The following CES5A variants were observed in gnomAD, a reference collection of about 807,000 sequenced individuals.
CES5A encodes the protein carboxylesterase 5.
CES5A carries 67 observed loss-of-function variants against 62.9 expected under a neutral mutation model. The ratio of observed to expected loss-of-function variants is 1.07; its 90% CI spans 0.88 to 1.31. The LOEUF is 1.31. Ranked by LOEUF, CES5A falls within the 50% of genes most tolerant of loss-of-function variation. The pLI is 0.00. For missense variants in CES5A, 748 were observed against 708.5 expected (o/e 1.06, Z -0.63); for synonymous variants, 296 against 280.8 (o/e 1.05, Z -0.54).
chr16:55,898,372 A>G (rs1452562243), intron 1 of CES5A, among the ~76,000 whole-genome samples: 1 of 152,156 alleles, frequency 6.6e-6, no homozygotes, highest in Admixed American at 6.5e-5. Context: ...AATTTTCTGC[A>G]TTGTTTGAAA....
At chr16:55,858,373 C>A (rs1476191637) in intron 8 of CES5A, among the ~76,000 whole-genome samples, 1 of 152,156 alleles carries the variant, frequency 6.6e-6, no homozygotes, top group Non-Finnish European at 1.5e-5. Context: ...GCTTGGACAG[C>A]CTGTGCTTGG....
intron 2 of CES5A, 39 bp downstream of exon 2, chr16:55,873,794 A>T (rs1472455767): frequency 6.4e-7 from 1 of 1,567,262 alleles, no homozygotes; most frequent in Non-Finnish European, 8.7e-7. Context: ...TGCCACTCCC[A>T]GAGTCACAAA....
At chr16:55,943,962 A>C (rs1370691137) in intron 2 of CES5A, 2 of 697,268 alleles carry the variant, frequency 2.9e-6, no homozygotes, top group Non-Finnish European at 5.2e-6. Context: ...GAAACCTCCC[A>C]TATGAGCATT....
rs1159300804 is a variant in CES5A at position 55,864,026 on chromosome 16, G to A, written c.706-574C>T. ...CTCCCAAAGTGCTGGGATGACAGGCGTGAGCCACCGCACCCAGCCAAGTTG... is the reference window on the plus strand; with the variant it reads ...CTCCCAAAGTGCTGGGATGACAGGCATGAGCCACCGCACCCAGCCAAGTTG... On this transcript the variant is annotated intron_variant, in intron 5 of 12. Transcript: ENST00000290567. Among the ~76,000 whole-genome samples, 63 of 152,074 alleles carry A rather than the reference G, an allele frequency of 4.1e-4. 1 individual carries two copies. The highest frequency in any genetic ancestry group is 1.9e-4 in the East Asian group (1 of 5,174).
chr16:55,861,480 A>C lies in CES5A; in HGVS notation c.847T>G (p.Ser283Ala). 6 of 1,613,860 alleles carry C rather than the reference A, an allele frequency of 3.7e-6. No individual in the cohort carries two copies. Among genetic ancestry groups the C allele is most frequent in the Non-Finnish European group, 3.4e-6 (4 of 1,179,772 alleles). The change falls in exon 7 of 13, where the codon TCA becomes GCA. Residue 283 changes from serine (S) to alanine (A), a missense_variant. Physicochemically the swap from Ser to Ala is moderately conservative, Grantham distance 99. Coordinates refer to ENST00000290567, the MANE Select transcript of CES5A (RefSeq NM_001143685.2). ...CACCTCAGCAGGGCCTCAGAGTCTG[A>C]CGCATTGTTACCACAGAAATGTGCA... ...VVAHFCGNNA[S>A]DSEALLRCLR...
At chr16:55,955,615 G>C (rs1454952656) in intron 1 of CES5A, among the ~76,000 whole-genome samples, 1 of 152,184 alleles carries the variant, frequency 6.6e-6, no homozygotes, top group African/African-American at 2.4e-5. Context: ...TCTAAGACAG[G>C]GCAGAGTCAG....
At chr16:55,940,465 C>G (rs191837332) in intron 2 of CES5A, among the ~76,000 whole-genome samples, 2 of 151,718 alleles carry the variant, frequency 1.3e-5, no homozygotes, top group Non-Finnish European at 2.9e-5. Flanking sequence ...CCACAAAAAA[C>G]AAAACTCATC....
At chr16:55,861,008 C>T (rs1465979404) in intron 7 of CES5A, among the ~76,000 whole-genome samples, 9 of 152,268 alleles carry the variant, frequency 5.9e-5, no homozygotes, top group African/African-American at 2.2e-4. Flanking sequence ...CTAAAGGAGC[C>T]CAGTCCTTTT....
upstream of CES5A, among the ~76,000 whole-genome samples, chr16:55,879,277 C>T (rs1422129089): frequency 6.7e-6 from 1 of 149,584 alleles, no homozygotes; most frequent in Non-Finnish European, 1.5e-5. Flanking sequence ...TACCTCACCA[C>T]TGCACCTCCA....
chr16:55,929,771 A>C (rs2034290787), upstream of CES5A, among the ~76,000 whole-genome samples: 1 of 152,228 alleles, frequency 6.6e-6, no homozygotes. Context: ...GTCTTTATTG[A>C]AAATGTTGAT....
rs1470296909 is a variant in CES5A at position 55,846,595 on chromosome 16, T to A, written c.1584A>T (p.Gly528=). 4 of 1,614,046 alleles carry A rather than the reference T, an allele frequency of 2.5e-6. No individual in the cohort carries two copies. The African/African-American group carries it at 5.3e-5, about 22-fold the overall frequency. ...YLQLDLNMSL[G]QRLKEPRVDF... ...CCACCCGCGGTTCTTTGAGTCTCTG[T>A]CCGAGGCTCATGTTCAAGTCCAGCT... Residue 528 remains glycine (G), a synonymous_variant, in exon 13 of 13, where the codon GGA becomes GGT. Transcript: ENST00000290567.
chr16:55,908,215 C>T (rs2034057560), intron 1 of CES5A, among the ~76,000 whole-genome samples: 1 of 152,136 alleles, frequency 6.6e-6, no homozygotes, highest in African/African-American at 2.4e-5. Flanking sequence ...ATCTTGGGGC[C>T]TCTGATTTCT....
chr16:55,862,978 C>T (rs1370586217), intron 6 of CES5A, among the ~76,000 whole-genome samples: 1 of 152,220 alleles, frequency 6.6e-6, no homozygotes, highest in Non-Finnish European at 1.5e-5. Context: ...GAGCTGGAAA[C>T]AGCCTCTGAA....
Position 55,852,964 on chromosome 16 carries a change from G to A in CES5A, c.1190C>T (p.Thr397Ile), listed in dbSNP as rs1173046846. The A allele has an allele frequency of 2.5e-6, 4 of 1,614,198 alleles. No individual in the cohort carries two copies. Among genetic ancestry groups the A allele is most frequent in the African/African-American group, 1.3e-5 (1 of 75,064 alleles). ...NEYFHDKHSLTEIRDSLLDLL... is the reference protein window; with the variant it reads ...NEYFHDKHSLIEIRDSLLDLL... ...GTCCAGAAGACTGTCTCGGATTTCA[G>A]TCAGGGAGTGCTTGTCATGGAAGTA... The change falls in exon 10 of 13, where the codon ACT becomes ATT. Residue 397 changes from threonine (T) to isoleucine (I), a missense_variant. Coordinates refer to ENST00000290567, the MANE Select transcript of CES5A (RefSeq NM_001143685.2).
At chr16:55,851,208 C>A (rs1176643168) in intron 10 of CES5A, among the ~76,000 whole-genome samples, 1 of 152,154 alleles carries the variant, frequency 6.6e-6, no homozygotes, top group Non-Finnish European at 1.5e-5. Flanking sequence ...GGCAACCCGG[C>A]AACCCACAGA....
chr16:55,935,213 G>A (rs2034360182), intron 2 of CES5A, among the ~76,000 whole-genome samples: 1 of 152,230 alleles, frequency 6.6e-6, no homozygotes, highest in Non-Finnish European at 1.5e-5. Flanking sequence ...AATGTGCTGG[G>A]ATTACAGGCA....
chr16:55,914,829 C>T (rs1417034221), intron 1 of CES5A, among the ~76,000 whole-genome samples: 3 of 152,048 alleles, frequency 2.0e-5, no homozygotes, highest in South Asian at 2.1e-4. Flanking sequence ...ATCGGAAAAA[C>T]GTCAGCAGTT....
At chr16:55,924,826 G>T (rs1461672011) in intron 1 of CES5A, among the ~76,000 whole-genome samples, 1 of 151,980 alleles carries the variant, frequency 6.6e-6, no homozygotes, top group Non-Finnish European at 1.5e-5. Flanking sequence ...GCAGAAGAAT[G>T]AAACTAGACC....
chr16:55,884,474 G>A (rs753284287), intron 1 of CES5A, among the ~76,000 whole-genome samples: 28 of 152,174 alleles, frequency 1.8e-4, no homozygotes, highest in Non-Finnish European at 3.5e-4. Flanking sequence ...GCCTCAGGAT[G>A]AGTGACTCTG....
Sources: gnomAD v4.1 joint callset for allele counts (sites outside exome capture counted in the v4.1 genomes callset) on GRCh38, gnomAD v4.1.1 for gene constraint, MANE v1.5 for transcripts, NCBI Gene and HGNC (gene_info 2026-07-23, HGNC 2026-07-21) for gene names.